Variants in XYLT1 observed in about 807,000 individuals in gnomAD.
XYLT1 encodes the protein xylosyltransferase 1.
Under a neutral mutation model 91.3 loss-of-function variants are expected in XYLT1, and 36 were observed. The ratio of observed to expected loss-of-function variants is 0.39; its 90% CI spans 0.30 to 0.52. The LOEUF is 0.52. Among genes scored for constraint, XYLT1 ranks in the 20% least tolerant of loss-of-function variants. The probability of loss-of-function intolerance (pLI) is 0.68; values close to 1 mark genes in which losing one functional copy is unlikely to be tolerated. For synonymous variants in XYLT1, 588 were observed against 532.0 expected, an observed-to-expected ratio of 1.11 and a Z score of -1.45; for missense variants, 1,242 against 1,284.5, an observed-to-expected ratio of 0.97 and a Z score of 0.51.
At chr16:17,263,435 A>G (rs569015728) in intron 2 of XYLT1, among the ~76,000 whole-genome samples, 1 of 152,182 alleles carries the variant, frequency 6.6e-6, no homozygotes, top group East Asian at 1.9e-4. Context: ...AATGGCGATG[A>G]TTAGCTTGTG....
intron 1 of XYLT1, among the ~76,000 whole-genome samples, chr16:17,387,546 CATT>C (rs2035761825): frequency 6.6e-6 from 1 of 152,186 alleles, no homozygotes; most frequent in Admixed American, 6.5e-5. Context: ...TTATTATCAT[CATT>C]GTCATTATGA....
chr16:17,183,059 C>T (rs2032105713), intron 5 of XYLT1, among the ~76,000 whole-genome samples: 1 of 152,196 alleles, frequency 6.6e-6, no homozygotes, highest in Admixed American at 6.5e-5. Flanking sequence ...GGGTCAACCA[C>T]TTACACAACA....
chr16:17,163,852 C>A (rs1234160267), intron 5 of XYLT1, among the ~76,000 whole-genome samples: 5 of 151,808 alleles, frequency 3.3e-5, no homozygotes, highest in South Asian at 2.1e-4. Flanking sequence ...AGTTAGAGAC[C>A]AGCCTGACCA....
rs1966711999 is a variant in XYLT1 at position 17,102,157 on chromosome 16, G to A, written c.*6538C>T. On this transcript the variant is annotated 3_prime_UTR_variant, in exon 12 of 12. Transcript: ENST00000261381. ...CCAGGATAGGCCATTTATGCCTGCA[G>A]TCTCAGCATCCCATCCACGTGGTGC... 1 of 152,206 alleles carries A rather than the reference G, an allele frequency of 6.6e-6. No homozygotes were observed. The highest frequency in any genetic ancestry group is 6.5e-5 in the Admixed American group (1 of 15,284). 9.4% of individuals were successfully genotyped at this position (152,206 alleles called of 1,614,324 possible). A position where few individuals can be genotyped will look rare whatever the true frequency, so the allele number is the denominator to read the frequency against.
chr16:17,346,136 T>C (rs898769369), intron 2 of XYLT1, among the ~76,000 whole-genome samples: 3 of 152,006 alleles, frequency 2.0e-5, no homozygotes, highest in Non-Finnish European at 2.9e-5. Flanking sequence ...TTAAAGAAAC[T>C]GAGGCACAAA....
At chr16:17,401,812 T>A (rs2141901924) in intron 1 of XYLT1, among the ~76,000 whole-genome samples, 1 of 152,110 alleles carries the variant, frequency 6.6e-6, no homozygotes, top group South Asian at 2.1e-4. Context: ...TAAAAAATTA[T>A]TACAGAAATA....
intron 2 of XYLT1, among the ~76,000 whole-genome samples, chr16:17,346,615 C>T (rs764521828): frequency 2.0e-5 from 3 of 152,162 alleles, no homozygotes; most frequent in East Asian, 1.9e-4. Flanking sequence ...GAGATGGCCA[C>T]GAGGAGGCCC....
chr16:17,344,435 G>C (rs2035115175), intron 2 of XYLT1, among the ~76,000 whole-genome samples: 1 of 150,130 alleles, frequency 6.7e-6, no homozygotes, highest in Non-Finnish European at 1.5e-5. Flanking sequence ...GGAGCTTGCA[G>C]TGAGCCGAGA....
At chr16:17,436,396 C>T (rs1475805680) in intron 1 of XYLT1, among the ~76,000 whole-genome samples, 2 of 152,168 alleles carry the variant, frequency 1.3e-5, no homozygotes, top group Admixed American at 6.5e-5. Context: ...AGTCCCCACT[C>T]ATTGCCATGA....
At chr16:17,173,708 CCTAA>C (rs2031878426) in intron 5 of XYLT1, among the ~76,000 whole-genome samples, 1 of 152,236 alleles carries the variant, frequency 6.6e-6, no homozygotes, top group African/African-American at 2.4e-5. Flanking sequence ...CTGAGACGAG[CCTAA>C]CTGAGTGACA....
chr16:17,253,624 T>G (rs917539634), intron 3 of XYLT1, among the ~76,000 whole-genome samples: 19 of 152,144 alleles, frequency 1.2e-4, no homozygotes, highest in African/African-American at 4.3e-4. Flanking sequence ...AGTGTGATGA[T>G]GCTCATCTCC....
chr16:17,319,803 A>AC (rs770574950), intron 2 of XYLT1, among the ~76,000 whole-genome samples: 5 of 152,214 alleles, frequency 3.3e-5, no homozygotes, highest in Non-Finnish European at 5.9e-5. Context: ...CATTTGAGGC[A>AC]CCCCTCACCC....
intron 2 of XYLT1, among the ~76,000 whole-genome samples, chr16:17,309,603 G>A (rs1161605644): frequency 6.6e-6 from 1 of 152,188 alleles, no homozygotes; most frequent in East Asian, 1.9e-4. Context: ...GCCTTGTTAA[G>A]AGGGGAAATT....
At chr16:17,215,317 G>C (rs2032834809) in intron 3 of XYLT1, among the ~76,000 whole-genome samples, 1 of 152,288 alleles carries the variant, frequency 6.6e-6, no homozygotes, top group Non-Finnish European at 1.5e-5. Flanking sequence ...TCCAGCACGG[G>C]TGGCAAAACA....
At chr16:17,180,233 T>C (rs1212485767) in intron 5 of XYLT1, among the ~76,000 whole-genome samples, 1 of 152,226 alleles carries the variant, frequency 6.6e-6, no homozygotes. Context: ...TCTGAGACAC[T>C]GCCCCAATTC....
In XYLT1 at chr16:17,248,472, C is replaced by A. The variant is rs2033478811; in HGVS notation, c.913+10516G>T. 2.6e-5 allele frequency among the ~76,000 whole-genome samples: 4 copies of A among 152,176 alleles called. No homozygotes were observed. The South Asian group carries it at 8.3e-4, about 32-fold the overall frequency. On this transcript the variant is annotated intron_variant, in intron 3 of 11. Transcript: ENST00000261381. The stretch of plus-strand genomic sequence containing the variant: ...CTTGCTCAAAGCAAAGACACAGATC[C>A]TCTAAACCTAGCACTTTTAGGAATT...
chr16:17,142,474 C>CTCAGGCTG (rs2031009214), intron 6 of XYLT1, among the ~76,000 whole-genome samples: 1 of 137,330 alleles, frequency 7.3e-6, no homozygotes, highest in Non-Finnish European at 1.5e-5. Flanking sequence ...CACTCGGTAG[C>CTCAGGCTG]TCAGGCTGGA....
At chr16:17,297,048 T>TC (rs2034322597) in intron 2 of XYLT1, among the ~76,000 whole-genome samples, 2 of 152,346 alleles carry the variant, frequency 1.3e-5, no homozygotes, top group African/African-American at 4.8e-5. Context: ...GACATTGTGC[T>TC]CAATGCTTTA....
intron 1 of XYLT1, among the ~76,000 whole-genome samples, chr16:17,431,033 G>A (rs2036383516): frequency 6.6e-6 from 1 of 152,168 alleles, no homozygotes; most frequent in Non-Finnish European, 1.5e-5. Context: ...CATCTCCAGA[G>A]CAGAGGTGGG....
Sources: gnomAD v4.1 joint callset for allele counts (sites outside exome capture counted in the v4.1 genomes callset) on GRCh38, gnomAD v4.1.1 for gene constraint, MANE v1.5 for transcripts, NCBI Gene and HGNC (gene_info 2026-07-23, HGNC 2026-07-21) for gene names.